Variants in PTPRN2 observed in about 807,000 individuals in gnomAD.
The protein encoded by PTPRN2 is receptor-type tyrosine-protein phosphatase N2.
PTPRN2 carries 74 observed loss-of-function variants against 118.8 expected under a neutral mutation model. The ratio of observed to expected loss-of-function variants is 0.62; its 90% CI spans 0.52 to 0.76. PTPRN2 has a LOEUF of 0.76. Ranked by LOEUF, PTPRN2 falls within the 30% of genes least tolerant of loss-of-function variation. The probability of loss-of-function intolerance (pLI) is 0.00; values close to 1 mark genes in which losing one functional copy is unlikely to be tolerated. For missense variants in PTPRN2, 1,481 were observed against 1,394.4 expected (o/e 1.06, Z -0.99); for synonymous variants, 641 against 608.0 (o/e 1.05, Z -0.80).
At chr7:157,685,841 G>T (rs1403598310) in intron 12 of PTPRN2, among the ~76,000 whole-genome samples, 1 of 152,148 alleles carries the variant, frequency 6.6e-6, no homozygotes, top group Non-Finnish European at 1.5e-5. Context: ...AGGAGCCCCA[G>T]TGCCCTGGAG....
chr7:158,142,661 C>A (rs970888456), intron 6 of PTPRN2, among the ~76,000 whole-genome samples: 1 of 152,216 alleles, frequency 6.6e-6, no homozygotes, highest in African/African-American at 2.4e-5. Flanking sequence ...TCAGCCCTCA[C>A]CATGCATTCA....
Position 158,565,077 on chromosome 7 carries a change from T to C in PTPRN2, c.112+22481A>G, listed in dbSNP as rs1183574033. On this transcript the variant is annotated intron_variant, in intron 1 of 22. Transcript: ENST00000389418. This position sits in a 1 kb window ranked among gnomAD's most constrained non-coding sequence, Gnocchi z 4.6. ...AGGGATGCTGACACCATTCAGAAAA[T>C]TGTATTGTGGAGGAAGGCAAGGATG... 1.3e-5 allele frequency among the ~76,000 whole-genome samples: 2 copies of C among 151,880 alleles called. No homozygotes were observed. Among genetic ancestry groups the C allele is most frequent in the Non-Finnish European group, 2.9e-5 (2 of 67,966 alleles).
At chr7:157,669,546 C>G in intron 13 of PTPRN2, 1 of 491,112 alleles carries the variant, frequency 2.0e-6, no homozygotes, top group Non-Finnish European at 4.0e-6. Context: ...GGGCTGTAAG[C>G]ACAGCTCCTG....
At chr7:157,950,235 A>AT (rs1405127986) in intron 11 of PTPRN2, among the ~76,000 whole-genome samples, 1 of 152,200 alleles carries the variant, frequency 6.6e-6, no homozygotes, top group African/African-American at 2.4e-5. Flanking sequence ...AAAGGGTCCA[A>AT]TTGTCTCACC....
At chr7:158,249,840 C>A (rs114011745) in intron 3 of PTPRN2, among the ~76,000 whole-genome samples, 1 of 152,224 alleles carries the variant, frequency 6.6e-6, no homozygotes, top group East Asian at 1.9e-4. Context: ...ATTTAAACTG[C>A]TTCTCCTGTG....
At chr7:157,866,824 ACCACCGCCCCCCCCCGACGC>A (rs2151249680) in intron 12 of PTPRN2, among the ~76,000 whole-genome samples, 1 of 40,050 alleles carries the variant, frequency 2.5e-5, no homozygotes, top group Non-Finnish European at 4.5e-5. Context: ...ATACATGGCC[ACCACCGCCCCCCCCCGACGC>A]CCTGGATACA....
At chr7:157,752,196 G>T (rs1172458234) in intron 12 of PTPRN2, among the ~76,000 whole-genome samples, 2 of 152,322 alleles carry the variant, frequency 1.3e-5, no homozygotes, top group East Asian at 3.9e-4. Flanking sequence ...TTTTCTCCAG[G>T]GTGGGGGCAC....
chr7:157,952,196 A>G (rs1266377882), intron 11 of PTPRN2, among the ~76,000 whole-genome samples: 1 of 152,086 alleles, frequency 6.6e-6, no homozygotes, highest in East Asian at 1.9e-4. Context: ...AGAGCCCCCC[A>G]CAGAATGTGC....
chr7:158,070,968 A>ATGG (rs1811350934), intron 11 of PTPRN2, among the ~76,000 whole-genome samples: 1 of 19,484 alleles, frequency 5.1e-5, no homozygotes, highest in Non-Finnish European at 9.3e-5. Context: ...GGAGGTGCTC[A>ATGG]CGGTGGAGGT....
intron 11 of PTPRN2, among the ~76,000 whole-genome samples, chr7:158,061,420 C>T (rs536981275): frequency 3.9e-5 from 6 of 152,346 alleles, no homozygotes; most frequent in East Asian, 1.9e-4. Context: ...ATCCACCTGC[C>T]GCTGTGGCTC....
At chr7:157,995,611 C>T (rs553721050) in intron 11 of PTPRN2, among the ~76,000 whole-genome samples, 69 of 152,388 alleles carry the variant, frequency 4.5e-4, no homozygotes, top group Non-Finnish European at 7.6e-4. Context: ...TGGGGCCTTT[C>T]AGCCCCTGAA....
chr7:158,103,159 C>A (rs146919514), intron 10 of PTPRN2, among the ~76,000 whole-genome samples: 1 of 152,202 alleles, frequency 6.6e-6, no homozygotes, highest in African/African-American at 2.4e-5. Flanking sequence ...TCCCACTTAC[C>A]ACCTGTGGCC....
chr7:157,812,926 C>A (rs534625371), intron 12 of PTPRN2, among the ~76,000 whole-genome samples: 10 of 152,230 alleles, frequency 6.6e-5, no homozygotes, highest in Middle Eastern at 3.4e-3. Context: ...CAGAAGCCTT[C>A]GTCTTGGTTT....
At chr7:158,250,400 T>A (rs1463840232) in intron 3 of PTPRN2, among the ~76,000 whole-genome samples, 4 of 152,108 alleles carry the variant, frequency 2.6e-5, no homozygotes, top group Non-Finnish European at 5.9e-5. Flanking sequence ...AAAATTGAAA[T>A]GGTATCAAAA....
At chr7:157,651,746 C>T (rs548535030) in intron 14 of PTPRN2, among the ~76,000 whole-genome samples, 4 of 152,386 alleles carry the variant, frequency 2.6e-5, no homozygotes, top group South Asian at 2.1e-4. Context: ...ATGATTAACA[C>T]GCAGCCGCTT....
At chr7:158,116,163 C>T (rs1226854497) in intron 9 of PTPRN2, among the ~76,000 whole-genome samples, 1 of 152,168 alleles carries the variant, frequency 6.6e-6, no homozygotes, top group Non-Finnish European at 1.5e-5. Context: ...AATGAATGAA[C>T]ACGAGAATGT....
At chr7:157,651,703 G>A (rs945294898) in intron 14 of PTPRN2, among the ~76,000 whole-genome samples, 2 of 152,222 alleles carry the variant, frequency 1.3e-5, no homozygotes, top group African/African-American at 4.8e-5. Context: ...AAAAGGATGT[G>A]ACAGGATTTC....
At chr7:158,497,858 G>A (rs998901787) in intron 1 of PTPRN2, among the ~76,000 whole-genome samples, 4 of 152,250 alleles carry the variant, frequency 2.6e-5, no homozygotes, top group African/African-American at 9.6e-5. Context: ...GCTGGGAGGA[G>A]GGGCCTGAGG....
chr7:157,946,342 T>C (rs903345699), intron 11 of PTPRN2, among the ~76,000 whole-genome samples: 2 of 152,156 alleles, frequency 1.3e-5, no homozygotes, highest in Admixed American at 1.3e-4. Flanking sequence ...TCCTCAATCC[T>C]GGAAATTCAG....
Sources: allele counts gnomAD v4.1 joint callset (sites outside exome capture counted in the v4.1 genomes callset), GRCh38; gene constraint gnomAD v4.1.1; non-coding constraint Gnocchi (gnomAD v3.1); transcripts MANE v1.5; gene names NCBI Gene and HGNC (gene_info 2026-07-23, HGNC 2026-07-21).